Variants in PLEKHM2 observed in about 807,000 individuals in gnomAD.
PLEKHM2 encodes the protein pleckstrin homology domain-containing family M member 2.
Under a neutral mutation model 116.3 loss-of-function variants are expected in PLEKHM2, and 77 were observed. That is an observed-to-expected ratio of 0.66 (90% CI 0.55 to 0.80). PLEKHM2 has a LOEUF of 0.80. Among genes scored for constraint, PLEKHM2 ranks in the 30% least tolerant of loss-of-function variants. PLEKHM2 has a pLI of 0.00. For synonymous variants in PLEKHM2, 562 were observed against 571.0 expected, an observed-to-expected ratio of 0.98 and a Z score of 0.22; for missense variants, 1,183 against 1,354.9, an observed-to-expected ratio of 0.87 and a Z score of 1.99.
chr1:15,705,398 T>C (rs1428253643), intron 1 of PLEKHM2, among the ~76,000 whole-genome samples: 1 of 151,750 alleles, frequency 6.6e-6, no homozygotes, highest in Non-Finnish European at 1.5e-5. Context: ...CCCAGGCTTG[T>C]CTCCAACTCC....
Position 15,727,183 on chromosome 1 carries a change from TC to T in PLEKHM2, c.1117del (p.Gln373ArgfsTer22). ...GGACTCGCCAGACACTATGCTTGCC[TC>T]CCCCCAGGAGGAGGGAGAGGGGCCG... ...GRDSPDTMLA[S>X]PQEEGEGPSS... is the part of the protein sequence containing the mutation. On this transcript the variant is annotated frameshift_variant, in exon 9 of 20. Transcript: ENST00000375799. LOFTEE classifies it high-confidence loss of function. The surrounding 1 kb of genome is among the most constrained non-coding windows in gnomAD (Gnocchi z 7.5). The T allele has an allele frequency of 1.2e-6, 2 of 1,603,366 alleles. No homozygotes were observed. Among genetic ancestry groups the T allele is most frequent in the East Asian group, 2.2e-5 (1 of 44,474 alleles).
Position 15,719,923 on chromosome 1 carries a change from G to A in PLEKHM2, c.652+3G>A. On this transcript the variant is annotated splice_donor_region_variant and intron_variant, in intron 6 of 19. Transcript: ENST00000375799. This position sits in a 1 kb window ranked among gnomAD's most constrained non-coding sequence, Gnocchi z 4.1. Reference sequence around the variant, plus strand: ...TGCGATTGCCCCATCTAGTGAGGGTGAGTGGCCCCAGGGCAGAAAAGCTAA... The same window carrying A: ...TGCGATTGCCCCATCTAGTGAGGGTAAGTGGCCCCAGGGCAGAAAAGCTAA... 1 of 1,610,644 alleles carries A rather than the reference G, an allele frequency of 6.2e-7. No homozygotes were observed. Among genetic ancestry groups the A allele is most frequent in the Non-Finnish European group, 8.5e-7 (1 of 1,177,898 alleles).
intron 17 of PLEKHM2, 46 bp from the exon 18 acceptor site, chr1:15,732,304 C>T: frequency 1.4e-6 from 2 of 1,478,780 alleles, no homozygotes; most frequent in Non-Finnish European, 1.8e-6. Context: ...CTGGTGCAGA[C>T]CAGCCCTGGA....
Position 15,721,051 on chromosome 1 carries a change from C to A in PLEKHM2, c.653-278C>A. On this transcript the variant is annotated intron_variant, in intron 6 of 19. Coordinates refer to ENST00000375799, the MANE Select transcript of PLEKHM2 (RefSeq NM_015164.4). The surrounding 1 kb of genome is among the most constrained non-coding windows in gnomAD (Gnocchi z 5.1). The stretch of plus-strand genomic sequence containing the variant: ...AGAAAACAAAGCTAGGCACAGGCAG[C>A]CAGGCTTCTCTCTGCCAGAACCAGC... 2.5e-6 allele frequency: 1 copy of A among 403,188 alleles called. No homozygotes were observed. 25.0% of individuals were successfully genotyped at this position (403,188 alleles called of 1,614,324 possible).
At chr1:15,694,076 AG>A (rs1303486854) in intron 1 of PLEKHM2, among the ~76,000 whole-genome samples, 1 of 152,158 alleles carries the variant, frequency 6.6e-6, no homozygotes, top group Non-Finnish European at 1.5e-5. Context: ...TTTCTTGGCC[AG>A]GTGTGGTGGC....
rs372350931 is a variant in PLEKHM2 at position 15,721,331 on chromosome 1, T to A, written c.655T>A (p.Tyr219Asn). ...AGTTTTGTCCCTCGTTTTTGTAGATTATGATTTTGGAGATGTGTTTCCAGC... is the reference window on the plus strand; with the variant it reads ...AGTTTTGTCCCTCGTTTTTGTAGATAATGATTTTGGAGATGTGTTTCCAGC... ...DSAIAPSSED[Y>N]DFGDVFPAVP... Residue 219 changes from tyrosine to asparagine, a missense_variant and splice_region_variant, in exon 7 of 20, where the codon TAT becomes AAT. This residue lies in a region of PLEKHM2 where 372 missense variants were observed against 357.2 expected (regional missense o/e 1.04). Coordinates refer to ENST00000375799, the MANE Select transcript of PLEKHM2 (RefSeq NM_015164.4). The surrounding 1 kb of genome is among the most constrained non-coding windows in gnomAD (Gnocchi z 5.1). The A allele has an allele frequency of 6.4e-7, 1 of 1,562,704 alleles. No individual in the cohort carries two copies. The highest frequency in any genetic ancestry group is 8.7e-7 in the Non-Finnish European group (1 of 1,151,456).
chr1:15,728,992 G>A lies in PLEKHM2; in HGVS notation c.1987-110G>A. ...GCCTCTGGGGCTTTACTTGGTGGTG[G>A]CCCGGGGTGTGCTTCTTCCTCCCCA... On this transcript the variant is annotated intron_variant, in intron 12 of 19. Coordinates refer to ENST00000375799, the MANE Select transcript of PLEKHM2 (RefSeq NM_015164.4). The surrounding 1 kb of genome is among the most constrained non-coding windows in gnomAD (Gnocchi z 5.9). The A allele has an allele frequency of 3.0e-6, 3 of 1,007,080 alleles. No individual in the cohort carries two copies. Among genetic ancestry groups the A allele is most frequent in the South Asian group, 1.4e-5 (1 of 69,112 alleles). The allele number at this position is 1,007,080 out of a possible 1,614,324, so 62.4% of individuals were successfully genotyped here. A position where few individuals can be genotyped will look rare whatever the true frequency, so the allele number is the denominator to read the frequency against.
At chr1:15,730,487 C>T (rs1158057228) in intron 14 of PLEKHM2, 45 bp from the exon 15 acceptor site, 27 of 1,458,638 alleles carry the variant, frequency 1.9e-5, no homozygotes, top group Non-Finnish European at 2.4e-5. Context: ...ACCTGCCTGG[C>T]CCAGGCCTTA....
At chr1:15,699,990 C>CA (rs60375585) in intron 1 of PLEKHM2, among the ~76,000 whole-genome samples, 644 of 136,456 alleles carry the variant, frequency 4.7e-3, no homozygotes, top group African/African-American at 8.2e-3. Context: ...GCCCCCATCT[C>CA]AAAAAAAAAA....
intron 1 of PLEKHM2, among the ~76,000 whole-genome samples, chr1:15,703,265 G>A (rs926950283): frequency 1.3e-5 from 2 of 152,222 alleles, no homozygotes; most frequent in South Asian, 4.1e-4. Flanking sequence ...GGCTGAGCAG[G>A]GATGGGGCAG....
At chr1:15,684,742 G>A in intron 1 of PLEKHM2, 124 bp downstream of exon 1, 1 of 341,992 alleles carries the variant, frequency 2.9e-6, no homozygotes. Context: ...GCGACGAGCG[G>A]CCGGGAGCCC....
intron 1 of PLEKHM2, among the ~76,000 whole-genome samples, chr1:15,694,963 G>C (rs1640964601): frequency 6.6e-6 from 1 of 152,016 alleles, no homozygotes; most frequent in Admixed American, 6.6e-5. Flanking sequence ...TCATCATATT[G>C]GCCAGGCTGG....
At chr1:15,724,746 C>T (rs2068039286) in intron 7 of PLEKHM2, among the ~76,000 whole-genome samples, 1 of 152,184 alleles carries the variant, frequency 6.6e-6, no homozygotes, top group Admixed American at 6.5e-5. Context: ...AGCCTCTGCC[C>T]CCACTCTGCA....
intron 1 of PLEKHM2, among the ~76,000 whole-genome samples, chr1:15,689,449 C>T (rs1640844536): frequency 6.6e-6 from 1 of 152,116 alleles, no homozygotes; most frequent in Non-Finnish European, 1.5e-5. Context: ...CTGGAAGGTG[C>T]TTTCTGTGGA....
chr1:15,727,155 G>C lies in PLEKHM2; in HGVS notation c.1083G>C (p.Gly361=). Residue 361 remains glycine (G), a synonymous_variant, in exon 9 of 20, where the codon GGG becomes GGC. Transcript: ENST00000375799. The surrounding 1 kb of genome is among the most constrained non-coding windows in gnomAD (Gnocchi z 7.5). ...GDSRNGSPSL[G]RDSPDTMLAS... ...GCCGCAACGGCAGCCCAAGCCTTGGGCGGGACTCGCCAGACACTATGCTTG... is the reference window on the plus strand; with the variant it reads ...GCCGCAACGGCAGCCCAAGCCTTGGCCGGGACTCGCCAGACACTATGCTTG... 2 of 1,598,840 alleles carry C rather than the reference G, an allele frequency of 1.3e-6. No homozygotes were observed. Among genetic ancestry groups the C allele is most frequent in the Non-Finnish European group, 1.7e-6 (2 of 1,172,150 alleles).
At chr1:15,709,541 C>G (rs1211651403) in intron 1 of PLEKHM2, among the ~76,000 whole-genome samples, 1 of 152,106 alleles carries the variant, frequency 6.6e-6, no homozygotes, top group East Asian at 1.9e-4. Flanking sequence ...GTTTTATAAC[C>G]CATTTTGCAG....
chr1:15,703,116 G>A (rs1008615778), intron 1 of PLEKHM2, among the ~76,000 whole-genome samples: 4 of 152,152 alleles, frequency 2.6e-5, no homozygotes, highest in African/African-American at 7.2e-5. Context: ...TGTAAATAAC[G>A]TTTGGTCTCC....
chr1:15,697,856 A>G (rs1002244138), intron 1 of PLEKHM2, among the ~76,000 whole-genome samples: 58 of 151,008 alleles, frequency 3.8e-4, no homozygotes, highest in Admixed American at 5.3e-4. Context: ...CAGGCTGGTC[A>G]CCCCCTGCAT....
chr1:15,689,076 C>T (rs1161144590), intron 1 of PLEKHM2, among the ~76,000 whole-genome samples: 2 of 151,872 alleles, frequency 1.3e-5, no homozygotes, highest in Non-Finnish European at 2.9e-5. Context: ...TCGAGAAACC[C>T]CATCTCTATT....
Sources: gnomAD v4.1 joint callset for allele counts (sites outside exome capture counted in the v4.1 genomes callset) on GRCh38, gnomAD v4.1.1 for gene constraint, gnomAD v4.1.1 regional missense constraint, Gnocchi (gnomAD v3.1) non-coding constraint, MANE v1.5 for transcripts, NCBI Gene and HGNC (gene_info 2026-07-23, HGNC 2026-07-21) for gene names.